The following GIGYF2 variants were observed in gnomAD, a reference collection of about 807,000 sequenced individuals.
GIGYF2 encodes GRB10-interacting GYF protein 2.
A neutral mutation model predicts 208.1 loss-of-function variants in GIGYF2; 25 were observed. The ratio of observed to expected loss-of-function variants is 0.12; its 90% CI spans 0.09 to 0.17. The LOEUF (loss-of-function observed/expected upper bound fraction) is 0.17. GIGYF2 is among the 10% of genes least tolerant of loss of function. The pLI, the probability that GIGYF2 is intolerant of heterozygous loss-of-function variation, is 1.00. For synonymous variants in GIGYF2, 534 were observed against 543.8 expected, an observed-to-expected ratio of 0.98 and a Z score of 0.25; for missense variants, 1,302 against 1,579.4, an observed-to-expected ratio of 0.82 and a Z score of 2.98.
intron 6 of GIGYF2, among the ~76,000 whole-genome samples, chr2:232,758,846 T>G (rs1228714812): frequency 6.6e-6 from 1 of 152,182 alleles, no homozygotes; most frequent in Non-Finnish European, 1.5e-5. Flanking sequence ...CCTAAAATCT[T>G]CCTTGTAGAG....
intron 27 of GIGYF2, among the ~76,000 whole-genome samples, chr2:232,849,951 T>C (rs1255369884): frequency 6.6e-6 from 1 of 152,164 alleles, no homozygotes; most frequent in African/African-American, 2.4e-5. Context: ...AGTATTCATT[T>C]CCTAGCATTT....
chr2:232,781,148 G>A (rs1206228198), intron 8 of GIGYF2, among the ~76,000 whole-genome samples: 1 of 151,888 alleles, frequency 6.6e-6, no homozygotes, highest in Non-Finnish European at 1.5e-5. Context: ...TAGTAGAAAC[G>A]GGGTTTTGTC....
chr2:232,774,251 T>G (rs1699415488), intron 8 of GIGYF2, among the ~76,000 whole-genome samples: 1 of 152,244 alleles, frequency 6.6e-6, no homozygotes, highest in African/African-American at 2.4e-5. Context: ...TTAGCCTTTG[T>G]GAATAATACA....
intron 2 of GIGYF2, among the ~76,000 whole-genome samples, chr2:232,707,196 A>G (rs1049097964): frequency 2.6e-5 from 4 of 152,210 alleles, no homozygotes; most frequent in African/African-American, 9.6e-5. Flanking sequence ...TTCTTCCTGT[A>G]GTGATATTGT....
intron 8 of GIGYF2, chr2:232,765,830 C>G: frequency 2.3e-6 from 1 of 443,390 alleles, no homozygotes; most frequent in South Asian, 1.7e-5. Context: ...AACTAGGCCC[C>G]TGAGATTTTT....
At chr2:232,771,349 T>C in intron 8 of GIGYF2, 1 of 1,612,238 alleles carries the variant, frequency 6.2e-7, no homozygotes, top group Non-Finnish European at 8.5e-7. Flanking sequence ...AACTTTGCAA[T>C]TACTGCTGTC....
chr2:232,816,602 A>T (rs1700918722), intron 19 of GIGYF2, among the ~76,000 whole-genome samples: 1 of 152,230 alleles, frequency 6.6e-6, no homozygotes, highest in Non-Finnish European at 1.5e-5. Flanking sequence ...TCTTCTAATT[A>T]CTGTGATATG....
chr2:232,801,247 G>T (rs2106374903), intron 14 of GIGYF2, among the ~76,000 whole-genome samples: 1 of 152,204 alleles, frequency 6.6e-6, no homozygotes, highest in African/African-American at 2.4e-5. Context: ...TCATATAAGG[G>T]GCTGGGCGTG....
intron 8 of GIGYF2, among the ~76,000 whole-genome samples, chr2:232,772,881 A>G (rs1699326927): frequency 6.6e-6 from 1 of 152,086 alleles, no homozygotes; most frequent in African/African-American, 2.4e-5. Flanking sequence ...ATATCTCGGG[A>G]CTTTGAGGCT....
At chr2:232,707,245 A>T (rs1696159397) in intron 2 of GIGYF2, among the ~76,000 whole-genome samples, 1 of 152,188 alleles carries the variant, frequency 6.6e-6, no homozygotes, top group Admixed American at 6.5e-5. Flanking sequence ...CCTTTTATTC[A>T]AATTCTCCTG....
chr2:232,758,660 A>G lies in GIGYF2; in HGVS notation c.380-1820A>G, dbSNP rs546718075. Among the ~76,000 whole-genome samples the G allele has an allele frequency of 2.6e-5, 4 of 152,274 alleles. No homozygotes were observed. The South Asian group carries it at 8.3e-4, about 32-fold the overall frequency. On this transcript the variant is annotated intron_variant, in intron 6 of 28. Transcript: ENST00000373563. ...CATTAGCAGGACCGGTGTCAGTGCTAGTTATAACTGAGAAAATATTTTATA... is the reference window on the plus strand; with the variant it reads ...CATTAGCAGGACCGGTGTCAGTGCTGGTTATAACTGAGAAAATATTTTATA...
intron 5 of GIGYF2, among the ~76,000 whole-genome samples, chr2:232,752,792 G>A (rs1271247798): frequency 1.3e-5 from 2 of 151,978 alleles, no homozygotes; most frequent in Admixed American, 6.6e-5. Flanking sequence ...TGCCTGCCTC[G>A]GCCTCCCAAA....
chr2:232,811,491 G>C, intron 17 of GIGYF2, 140 bp downstream of exon 17: 2 of 658,048 alleles, frequency 3.0e-6, no homozygotes, highest in South Asian at 3.4e-5. Flanking sequence ...ATGTAAAAAA[G>C]TATATTTTAA....
intron 22 of GIGYF2, among the ~76,000 whole-genome samples, chr2:232,838,735 T>C (rs890339539): frequency 2.0e-5 from 3 of 152,172 alleles, no homozygotes; most frequent in Middle Eastern, 3.2e-3. Context: ...TCATTTCCTG[T>C]GGAGACAAAG....
chr2:232,829,959 ATTCG>A (rs1336615899), intron 21 of GIGYF2, among the ~76,000 whole-genome samples: 16 of 152,004 alleles, frequency 1.1e-4, no homozygotes, highest in East Asian at 3.9e-4. Context: ...TCATTCATTC[ATTCG>A]TTTGTTTGTT....
At chr2:232,843,804 G>A (rs945257028) in intron 23 of GIGYF2, among the ~76,000 whole-genome samples, 1 of 152,160 alleles carries the variant, frequency 6.6e-6, no homozygotes, top group African/African-American at 2.4e-5. Context: ...TCCAGCCTGG[G>A]CGGAAGAGTG....
Position 232,735,140 on chromosome 2 carries a change from T to G in GIGYF2, c.-43-15T>G, listed in dbSNP as rs1697680261. 1 of 1,146,264 alleles carries G rather than the reference T, an allele frequency of 8.7e-7. No individual in the cohort carries two copies. Among genetic ancestry groups the G allele is most frequent in the Non-Finnish European group, 1.3e-6 (1 of 757,828 alleles). 71.0% of individuals were successfully genotyped at this position (1,146,264 alleles called of 1,614,324 possible). A position where few individuals can be genotyped will look rare whatever the true frequency, so the allele number is the denominator to read the frequency against. ...ATCTCAACTAATAGTATGGAGATATTTTTCTCGTTAACAGGTTTCTTCACA... is the reference window on the plus strand; with the variant it reads ...ATCTCAACTAATAGTATGGAGATATGTTTCTCGTTAACAGGTTTCTTCACA... On this transcript the variant is annotated splice_polypyrimidine_tract_variant and intron_variant, in intron 2 of 28. Coordinates refer to ENST00000373563, the MANE Select transcript of GIGYF2 (RefSeq NM_001103146.3).
intron 6 of GIGYF2, among the ~76,000 whole-genome samples, chr2:232,758,800 G>C (rs1698639006): frequency 6.6e-6 from 1 of 152,130 alleles, no homozygotes; most frequent in Non-Finnish European, 1.5e-5. Context: ...TGAGCAAATG[G>C]CTTTCTCTAA....
At chr2:232,762,658 ACT>A (rs1339281676) in intron 8 of GIGYF2, among the ~76,000 whole-genome samples, 1 of 152,134 alleles carries the variant, frequency 6.6e-6, no homozygotes, top group Non-Finnish European at 1.5e-5. Flanking sequence ...GCTTTGTATC[ACT>A]GTTTCTGTTA....
Sources: allele counts gnomAD v4.1 joint callset (sites outside exome capture counted in the v4.1 genomes callset), GRCh38; gene constraint gnomAD v4.1.1; transcripts MANE v1.5; gene names NCBI Gene and HGNC (gene_info 2026-07-23, HGNC 2026-07-21).